The following MOB3B variants were observed in gnomAD, a reference collection of about 807,000 sequenced individuals.
MOB3B encodes the protein MOB kinase activator-like 2B.
Under a neutral mutation model 18.7 loss-of-function variants are expected in MOB3B, and 7 were observed. That is an observed-to-expected ratio of 0.37 (90% CI 0.21 to 0.70). MOB3B has a LOEUF of 0.70. MOB3B is among the 30% of genes least tolerant of loss of function. MOB3B has a pLI of 0.52. For synonymous variants in MOB3B, 111 were observed against 99.9 expected (o/e 1.11, Z -0.66); for missense variants, 253 against 281.3 (o/e 0.90, Z 0.72).
At chr9:27,355,562 CTT>C (rs11339453) in intron 3 of MOB3B, among the ~76,000 whole-genome samples, 48 of 131,968 alleles carry the variant, frequency 3.6e-4, no homozygotes, top group Non-Finnish European at 4.0e-4. Context: ...TCTTTTTCTT[CTT>C]TTTTTTTTTT....
intron 2 of MOB3B, among the ~76,000 whole-genome samples, chr9:27,434,909 C>T (rs539555406): frequency 6.6e-6 from 1 of 152,216 alleles, no homozygotes; most frequent in Admixed American, 6.5e-5. Flanking sequence ...CATAATACAC[C>T]ACTCTAAAAT....
intron 2 of MOB3B, among the ~76,000 whole-genome samples, chr9:27,424,169 G>T (rs1331205024): frequency 6.6e-6 from 1 of 152,148 alleles, no homozygotes; most frequent in African/African-American, 2.4e-5. Flanking sequence ...CCTATGCTTA[G>T]GTATGAAGCT....
At chr9:27,447,308 A>G (rs1338316147) in intron 2 of MOB3B, among the ~76,000 whole-genome samples, 2 of 152,134 alleles carry the variant, frequency 1.3e-5, no homozygotes, top group Admixed American at 1.3e-4. Context: ...CTGCCTCTCC[A>G]AGCTCTACTG....
chr9:27,508,338 A>T (rs1820089636), intron 1 of MOB3B, among the ~76,000 whole-genome samples: 1 of 152,158 alleles, frequency 6.6e-6, no homozygotes. Flanking sequence ...CATTAAAAAA[A>T]CGCAAGGGTT....
chr9:27,460,717 T>G (rs1239513377), intron 1 of MOB3B, among the ~76,000 whole-genome samples: 1 of 152,170 alleles, frequency 6.6e-6, no homozygotes, highest in African/African-American at 2.4e-5. Flanking sequence ...CAGGATCAGC[T>G]GCCAGGATGA....
intron 2 of MOB3B, among the ~76,000 whole-genome samples, chr9:27,372,662 A>G (rs1349218244): frequency 6.6e-6 from 1 of 152,238 alleles, no homozygotes; most frequent in Non-Finnish European, 1.5e-5. Flanking sequence ...TAACCATAAA[A>G]AAAATCAGAC....
In MOB3B at chr9:27,455,713, T is replaced by C; in HGVS notation, c.-163A>G. 6.8e-7 allele frequency: 1 copy of C among 1,465,304 alleles called. No homozygotes were observed. Among genetic ancestry groups the C allele is most frequent in the Non-Finnish European group, 8.9e-7 (1 of 1,117,468 alleles). 90.8% of individuals were successfully genotyped at this position (1,465,304 alleles called of 1,614,324 possible). A position where few individuals can be genotyped will look rare whatever the true frequency, so the allele number is the denominator to read the frequency against. The stretch of plus-strand genomic sequence containing the variant: ...TTCTAAACAGCCCCTTCCATCTTCC[T>C]CTTGAATGATTTCCAAGGGAACCTC... On this transcript the variant is annotated 5_prime_UTR_variant, in exon 2 of 4. Transcript: ENST00000262244.
At chr9:27,507,752 G>A (rs941681541) in intron 1 of MOB3B, among the ~76,000 whole-genome samples, 1 of 152,146 alleles carries the variant, frequency 6.6e-6, no homozygotes, top group African/African-American at 2.4e-5. Flanking sequence ...GCAGCAAAAT[G>A]CCCAGCACAA....
intron 1 of MOB3B, among the ~76,000 whole-genome samples, chr9:27,491,222 CA>C (rs1819813840): frequency 6.6e-6 from 1 of 152,024 alleles, no homozygotes; most frequent in South Asian, 2.1e-4. Context: ...TCACTGTTGT[CA>C]AAATATAAAT....
intron 1 of MOB3B, among the ~76,000 whole-genome samples, chr9:27,496,945 A>G (rs2131491814): frequency 6.6e-6 from 1 of 152,348 alleles, no homozygotes; most frequent in South Asian, 2.1e-4. Context: ...ACAAATGTTA[A>G]TTAAAACGAT....
intron 1 of MOB3B, among the ~76,000 whole-genome samples, chr9:27,491,964 T>TAA (rs1422608179): frequency 1.3e-5 from 2 of 152,244 alleles, no homozygotes; most frequent in Admixed American, 1.3e-4. Flanking sequence ...ATATCTCTTT[T>TAA]AAAGTCTTGT....
intron 2 of MOB3B, among the ~76,000 whole-genome samples, chr9:27,442,964 T>C (rs1486041260): frequency 6.6e-6 from 1 of 152,176 alleles, no homozygotes; most frequent in Admixed American, 6.5e-5. Context: ...TTATTTTATA[T>C]ATCTGAAAAA....
At chr9:27,468,049 A>G (rs1217564510) in intron 1 of MOB3B, among the ~76,000 whole-genome samples, 1 of 152,252 alleles carries the variant, frequency 6.6e-6, no homozygotes, top group Admixed American at 6.5e-5. Context: ...TTTTGTTAGC[A>G]GAGACTCTTC....
chr9:27,332,086 G>A (rs887492770), intron 3 of MOB3B, among the ~76,000 whole-genome samples: 14 of 152,150 alleles, frequency 9.2e-5, no homozygotes, highest in Middle Eastern at 3.4e-3. Flanking sequence ...TCAACCACTC[G>A]GGCTCAAGCT....
chr9:27,378,740 C>T (rs1821529153), intron 2 of MOB3B: 1 of 463,338 alleles, frequency 2.2e-6, no homozygotes, highest in Admixed American at 2.4e-5. Flanking sequence ...GGGCATGTGA[C>T]CAAAGTGATA....
At chr9:27,481,515 T>C (rs112493983) in intron 1 of MOB3B, among the ~76,000 whole-genome samples, 1 of 135,760 alleles carries the variant, frequency 7.4e-6, no homozygotes, top group Non-Finnish European at 1.6e-5. Context: ...TTTTTTGTTT[T>C]TTTTGTTTTT....
At chr9:27,450,841 T>A (rs1230584488) in intron 2 of MOB3B, among the ~76,000 whole-genome samples, 1 of 152,208 alleles carries the variant, frequency 6.6e-6, no homozygotes, top group East Asian at 1.9e-4. Context: ...ACTTCATTTT[T>A]ACTTTATTGG....
chr9:27,412,809 T>C (rs1263687965), intron 2 of MOB3B, among the ~76,000 whole-genome samples: 1 of 152,216 alleles, frequency 6.6e-6, no homozygotes, highest in Non-Finnish European at 1.5e-5. Flanking sequence ...ACTAAGTCAA[T>C]AGCCTATTGC....
intron 2 of MOB3B, among the ~76,000 whole-genome samples, chr9:27,366,206 A>C (rs1396623452): frequency 6.6e-6 from 1 of 152,116 alleles, no homozygotes; most frequent in African/African-American, 2.4e-5. Context: ...TGAGTTTATG[A>C]ATGTGTCTAA....
Sources: allele counts gnomAD v4.1 joint callset (sites outside exome capture counted in the v4.1 genomes callset), GRCh38; gene constraint gnomAD v4.1.1; transcripts MANE v1.5; gene names NCBI Gene and HGNC (gene_info 2026-07-23, HGNC 2026-07-21).